The following TMEM272 variants were observed in gnomAD, a reference collection of about 807,000 sequenced individuals.
The protein encoded by TMEM272 is transmembrane protein 272.
Under a neutral mutation model 3.7 loss-of-function variants are expected in TMEM272, and 8 were observed. The ratio of observed to expected loss-of-function variants is 2.17; its 90% CI spans 1.27 to 3.91. TMEM272 has a LOEUF of 3.91. Among genes scored for constraint, TMEM272 ranks in the 30% most tolerant of loss-of-function variants. TMEM272 has a pLI of 0.00. For synonymous variants in TMEM272, 63 were observed against 39.8 expected, an observed-to-expected ratio of 1.58 and a Z score of -2.20; for missense variants, 166 against 91.5, an observed-to-expected ratio of 1.81 and a Z score of -3.32.
chr13:51,876,144 C>T, the TMEM272 span, among the ~76,000 whole-genome samples: 2 of 152,252 alleles, frequency 1.3e-5, no homozygotes, highest in East Asian at 1.9e-4. Context: ...GAACAAATGT[C>T]ACTGGAGGGT....
intron 2 of TMEM272, among the ~76,000 whole-genome samples, chr13:51,835,700 C>T (rs534099822): frequency 6.6e-6 from 1 of 152,290 alleles, no homozygotes; most frequent in African/African-American, 2.4e-5. Context: ...GCCAATTTTT[C>T]CCAGCCTAAA....
the TMEM272 span, among the ~76,000 whole-genome samples, chr13:51,886,755 C>T: frequency 3.9e-5 from 6 of 152,152 alleles, no homozygotes; most frequent in East Asian, 3.9e-4. Context: ...AGGAAATTTC[C>T]GGCTGGTAAA....
the TMEM272 span, chr13:51,861,920 T>C: frequency 6.6e-6 from 1 of 152,366 alleles, no homozygotes; most frequent in Non-Finnish European, 1.5e-5. Flanking sequence ...CCGGAACCAA[T>C]GCTGACAGAA....
At chr13:51,905,782 C>T in the TMEM272 span, among the ~76,000 whole-genome samples, 3 of 152,364 alleles carry the variant, frequency 2.0e-5, no homozygotes, top group East Asian at 5.8e-4. Flanking sequence ...CCTCATTAGC[C>T]TCGGTTAATG....
chr13:51,841,499 C>T (rs1183171117), intron 1 of TMEM272, among the ~76,000 whole-genome samples: 2 of 152,218 alleles, frequency 1.3e-5, no homozygotes, highest in African/African-American at 2.4e-5. Flanking sequence ...TATAACAAGA[C>T]ATTTCTACCT....
the TMEM272 span, among the ~76,000 whole-genome samples, chr13:51,910,808 G>A: frequency 6.6e-6 from 1 of 152,236 alleles, no homozygotes; most frequent in Non-Finnish European, 1.5e-5. Flanking sequence ...ACAGGCCCAC[G>A]CTGCCCACCC....
At chr13:51,885,401 G>A in the TMEM272 span, among the ~76,000 whole-genome samples, 2 of 152,164 alleles carry the variant, frequency 1.3e-5, no homozygotes, top group African/African-American at 4.8e-5. Flanking sequence ...AGGACAGTAG[G>A]AGAGAGAATG....
the TMEM272 span, among the ~76,000 whole-genome samples, chr13:51,868,444 G>GCTGTGT: frequency 2.2e-4 from 34 of 152,262 alleles, no homozygotes; most frequent in African/African-American, 7.5e-4. Context: ...GGATAAGTAA[G>GCTGTGT]CTGTGTACAA....
the TMEM272 span, among the ~76,000 whole-genome samples, chr13:51,864,776 A>G: frequency 3.3e-5 from 5 of 152,114 alleles, no homozygotes; most frequent in East Asian, 9.6e-4. Flanking sequence ...ATATTGTGTG[A>G]GGGCCTTCTT....
chr13:51,922,228 G>A, the TMEM272 span, among the ~76,000 whole-genome samples: 1,202 of 152,142 alleles, frequency 7.9e-3, 11 homozygotes, highest in African/African-American at 0.028. Flanking sequence ...AATGACTCAC[G>A]GGGCAGATAA....
Position 51,815,141 on chromosome 13 carries a change from G to A in TMEM272, c.*1610C>T, listed in dbSNP as rs1956006363. ...CAGTCCCCAACACAGAGAGGGCAAC[G>A]TGGGACACAGTGAGGATGGAATTGG... On this transcript the variant is annotated 3_prime_UTR_variant, in exon 5 of 5. Coordinates refer to ENST00000629372, the MANE Select transcript of TMEM272 (RefSeq NM_001351003.2). 1 of 152,926 alleles carries A rather than the reference G, an allele frequency of 6.5e-6. No homozygotes were observed. The highest frequency in any genetic ancestry group is 2.4e-5 in the African/African-American group (1 of 41,442). 9.5% of individuals were successfully genotyped at this position (152,926 alleles called of 1,614,324 possible).
At chr13:51,920,133 A>C in the TMEM272 span, among the ~76,000 whole-genome samples, 1 of 152,172 alleles carries the variant, frequency 6.6e-6, no homozygotes, top group Non-Finnish European at 1.5e-5. Context: ...TACTCTCAGC[A>C]AGCGTTTTAC....
chr13:51,848,112 A>G (rs1956315266), upstream of TMEM272, among the ~76,000 whole-genome samples: 1 of 152,232 alleles, frequency 6.6e-6, no homozygotes, highest in African/African-American at 2.4e-5. Flanking sequence ...ATTAGTTACA[A>G]GAGCCACGGA....
At chr13:51,930,186 T>C in the TMEM272 span, among the ~76,000 whole-genome samples, 6 of 152,186 alleles carry the variant, frequency 3.9e-5, no homozygotes, top group African/African-American at 1.2e-4. Context: ...GCAGTTATTA[T>C]GTTTAAATTG....
At chr13:51,929,042 C>G in the TMEM272 span, among the ~76,000 whole-genome samples, 1 of 152,010 alleles carries the variant, frequency 6.6e-6, no homozygotes, top group Non-Finnish European at 1.5e-5. Flanking sequence ...ATTAAAAATA[C>G]AAAAATTAGC....
the TMEM272 span, among the ~76,000 whole-genome samples, chr13:51,912,437 A>G: frequency 6.6e-6 from 1 of 152,166 alleles, no homozygotes; most frequent in Non-Finnish European, 1.5e-5. Context: ...CCCAGCCCAC[A>G]GTACATTCTC....
the TMEM272 span, among the ~76,000 whole-genome samples, chr13:51,864,105 T>TTCCC: frequency 6.8e-6 from 1 of 146,628 alleles, no homozygotes; most frequent in Non-Finnish European, 1.5e-5. Context: ...CCTTCCTTCC[T>TTCCC]TCCCTCCCTC....
the TMEM272 span, among the ~76,000 whole-genome samples, chr13:51,896,349 CGTGT>C: frequency 6.6e-6 from 1 of 152,004 alleles, no homozygotes; most frequent in Non-Finnish European, 1.5e-5. Flanking sequence ...CAGAGAAACA[CGTGT>C]GTGTAACACA....
the TMEM272 span, among the ~76,000 whole-genome samples, chr13:51,880,724 T>C: frequency 6.6e-6 from 1 of 152,166 alleles, no homozygotes; most frequent in African/African-American, 2.4e-5. Flanking sequence ...TTTTTGAATG[T>C]GGGCAGCAGG....
Sources: allele counts gnomAD v4.1 joint callset (sites outside exome capture counted in the v4.1 genomes callset), GRCh38; gene constraint gnomAD v4.1.1; transcripts MANE v1.5; gene names NCBI Gene and HGNC (gene_info 2026-07-23, HGNC 2026-07-21).